The following ITIH5 variants were observed in gnomAD, a reference collection of about 807,000 sequenced individuals.
The protein encoded by ITIH5 is inter-alpha-trypsin inhibitor heavy chain 5, also known as inter-alpha-trypsin inhibitor heavy chain H5.
ITIH5 carries 65 observed loss-of-function variants against 77.5 expected under a neutral mutation model. The ratio of observed to expected loss-of-function variants is 0.84; its 90% CI spans 0.69 to 1.03. ITIH5 has a LOEUF of 1.03. ITIH5 is among the 50% of genes least tolerant of loss of function. The pLI, the probability that ITIH5 is intolerant of heterozygous loss-of-function variation, is 0.00. For missense variants in ITIH5, 1,208 were observed against 1,213.1 expected (o/e 1.00, Z 0.06); for synonymous variants, 525 against 494.3 (o/e 1.06, Z -0.82).
intron 7 of ITIH5, among the ~76,000 whole-genome samples, chr10:7,612,893 G>A (rs1017541362): frequency 2.0e-5 from 3 of 152,084 alleles, no homozygotes; most frequent in Admixed American, 6.5e-5. Flanking sequence ...TGTCAGCATC[G>A]ATCATGCAGC....
At chr10:7,582,108 C>A (rs974321481) in intron 8 of ITIH5, among the ~76,000 whole-genome samples, 1 of 151,928 alleles carries the variant, frequency 6.6e-6, no homozygotes, top group Admixed American at 6.6e-5. Context: ...ATTTCCTGAC[C>A]TTGTGATCTG....
intron 5 of ITIH5, among the ~76,000 whole-genome samples, chr10:7,630,942 C>T (rs189711752): frequency 1.3e-4 from 19 of 151,538 alleles, no homozygotes; most frequent in South Asian, 6.3e-4. Context: ...GTTAGGTTAG[C>T]GCAAGGTCTT....
intron 11 of ITIH5, 192 bp downstream of exon 11, chr10:7,572,950 G>A: frequency 3.9e-6 from 2 of 511,418 alleles, no homozygotes; most frequent in Non-Finnish European, 7.1e-6. Context: ...GCTAATTTTT[G>A]TATTTTTAGT....
In ITIH5 at chr10:7,579,808, A is replaced by G. The variant is rs17431370; in HGVS notation, c.1365T>C (p.Cys455=). ...CCTCGTGCACGCGCCGTGTGAGGCC[A>G]CAGTTCTCCAGCGACAGTTTCTCCA... The part of the protein sequence containing the change: ...RLLEKLSLEN[C]GLTRRVHEEE... The change falls in exon 9 of 14, where the codon TGT becomes TGC. Residue 455 remains cysteine (C), a synonymous_variant. Coordinates refer to ENST00000397146, the MANE Select transcript of ITIH5 (RefSeq NM_030569.7). 0.23 allele frequency: 365,645 copies of G among 1,613,946 alleles called. 44,158 individuals carry two copies. The highest frequency in any genetic ancestry group is 0.25 in the Non-Finnish European group (294,929 of 1,179,962).
intron 1 of ITIH5, among the ~76,000 whole-genome samples, chr10:7,661,597 G>A (rs1834278082): frequency 6.6e-6 from 1 of 152,164 alleles, no homozygotes; most frequent in Non-Finnish European, 1.5e-5. Context: ...CTGCAAGTTT[G>A]TTTAGCTATT....
intron 5 of ITIH5, among the ~76,000 whole-genome samples, chr10:7,636,700 A>G (rs903233842): frequency 2.6e-5 from 4 of 152,156 alleles, no homozygotes; most frequent in Non-Finnish European, 5.9e-5. Flanking sequence ...GTATTATTGC[A>G]TCAATAACTC....
intron 5 of ITIH5, among the ~76,000 whole-genome samples, chr10:7,624,199 G>C (rs1833519786): frequency 1.3e-5 from 2 of 152,124 alleles, no homozygotes; most frequent in South Asian, 4.1e-4. Flanking sequence ...CTTTCTAAAA[G>C]TTAACCCTTA....
chr10:7,596,805 T>G (rs1055462768), intron 7 of ITIH5, among the ~76,000 whole-genome samples: 1 of 151,940 alleles, frequency 6.6e-6, no homozygotes, highest in African/African-American at 2.4e-5. Context: ...GATTACACTT[T>G]GGGAGGTCGA....
chr10:7,634,912 A>G (rs1392356188), intron 5 of ITIH5, among the ~76,000 whole-genome samples: 1 of 152,180 alleles, frequency 6.6e-6, no homozygotes, highest in Non-Finnish European at 1.5e-5. Flanking sequence ...TTAGAGAGAA[A>G]TGAAATTTTA....
intron 7 of ITIH5, among the ~76,000 whole-genome samples, chr10:7,588,256 C>T (rs1832722388): frequency 6.6e-6 from 1 of 152,050 alleles, no homozygotes; most frequent in African/African-American, 2.4e-5. Context: ...TGGTGGTGCA[C>T]ACGTGTAATC....
chr10:7,665,313 A>G (rs10905207), intron 1 of ITIH5, among the ~76,000 whole-genome samples: 101,449 of 151,968 alleles, frequency 0.67, 34,269 homozygotes, highest in South Asian at 0.72. Context: ...CTGTCTCCAC[A>G]CCCCCAAAAA....
chr10:7,592,884 T>C (rs1588382808), intron 7 of ITIH5, among the ~76,000 whole-genome samples: 1 of 151,808 alleles, frequency 6.6e-6, no homozygotes, highest in Non-Finnish European at 1.5e-5. Context: ...GTGGCGGTGG[T>C]GGGGCAGTGC....
intron 7 of ITIH5, among the ~76,000 whole-genome samples, chr10:7,596,617 T>C (rs983710682): frequency 6.6e-6 from 1 of 152,186 alleles, no homozygotes; most frequent in African/African-American, 2.4e-5. Flanking sequence ...GATCACGCTG[T>C]TCTCCTGAGT....
At position 7,617,213 on chromosome 10, in the gene ITIH5, G is replaced by A; in HGVS notation, c.722C>T (p.Pro241Leu). The A allele has an allele frequency of 6.2e-7, 1 of 1,602,034 alleles. No homozygotes were observed. The highest frequency in any genetic ancestry group is 8.5e-7 in the Non-Finnish European group (1 of 1,174,720). Reference sequence around the variant, plus strand: ...AATCCTGGCTTGTTGTACTACAGTAGGTTTAAAAATTATGTTGGCAAATGT... The same window carrying A: ...AATCCTGGCTTGTTGTACTACAGTAAGTTTAAAAATTATGTTGGCAAATGT... Reference protein sequence around the residue: ...NETFANIIFKPTVVQQARIAQ... With the variant: ...NETFANIIFKLTVVQQARIAQ... Residue 241 changes from proline (P) to leucine (L), a missense_variant, in exon 6 of 14, where the codon CCT becomes CTT. By Grantham distance (98) the Pro-to-Leu change is moderately conservative (BLOSUM62 -3). Coordinates refer to ENST00000397146, the MANE Select transcript of ITIH5 (RefSeq NM_030569.7).
intron 3 of ITIH5, among the ~76,000 whole-genome samples, chr10:7,641,302 A>G (rs895443297): frequency 6.6e-6 from 1 of 152,114 alleles, no homozygotes; most frequent in Admixed American, 6.5e-5. Context: ...GAGCCTCCTG[A>G]AAGCTCTTCC....
intron 1 of ITIH5, among the ~76,000 whole-genome samples, chr10:7,658,983 C>G (rs939019713): frequency 3.3e-4 from 50 of 152,142 alleles, no homozygotes; most frequent in African/African-American, 1.2e-3. Context: ...GGGCCCTGGA[C>G]TAGAGGAGGA....
At chr10:7,588,783 G>A (rs182468218) in intron 7 of ITIH5, among the ~76,000 whole-genome samples, 9 of 152,332 alleles carry the variant, frequency 5.9e-5, no homozygotes, top group Admixed American at 2.6e-4. Flanking sequence ...GGCATATGCG[G>A]AGTGTACAGG....
rs1198732215 is a variant in ITIH5 at position 7,616,077 on chromosome 10, G to T, written c.844C>A (p.His282Asn). The change falls in exon 7 of 14, where the codon CAC becomes AAC. Residue 282 changes from histidine (H) to asparagine (N), a missense_variant. Transcript: ENST00000397146. ...DIQVLNGYFV[H>N]YFAPKDLPPL... ...GGAAGGTCTTTAGGAGCAAAGTAGTGCACAAAATAGCCATTTAGAACCTGG... is the reference window on the plus strand; with the variant it reads ...GGAAGGTCTTTAGGAGCAAAGTAGTTCACAAAATAGCCATTTAGAACCTGG... The T allele has an allele frequency of 6.2e-7, 1 of 1,607,294 alleles. No homozygotes were observed. Among genetic ancestry groups the T allele is most frequent in the African/African-American group, 1.3e-5 (1 of 74,774 alleles).
intron 2 of ITIH5, among the ~76,000 whole-genome samples, chr10:7,647,607 A>T (rs1004938401): frequency 5.3e-5 from 8 of 152,192 alleles, no homozygotes; most frequent in African/African-American, 1.9e-4. Context: ...GTCTCTGTAG[A>T]CATTCGAGTT....
Sources: allele counts gnomAD v4.1 joint callset (sites outside exome capture counted in the v4.1 genomes callset), GRCh38; gene constraint gnomAD v4.1.1; transcripts MANE v1.5; gene names NCBI Gene and HGNC (gene_info 2026-07-23, HGNC 2026-07-21).